The following FAM117A variants were observed in gnomAD, a reference collection of about 807,000 sequenced individuals.
FAM117A encodes protein FAM117A.
Under a neutral mutation model 44.1 loss-of-function variants are expected in FAM117A, and 21 were observed. The ratio of observed to expected loss-of-function variants is 0.48; its 90% CI spans 0.34 to 0.69. The LOEUF is 0.69. FAM117A is among the 30% of genes least tolerant of loss of function. FAM117A has a pLI of 0.01. For synonymous variants in FAM117A, 220 were observed against 238.3 expected (o/e 0.92, Z 0.71); for missense variants, 498 against 589.9 (o/e 0.84, Z 1.61).
intron 1 of FAM117A, among the ~76,000 whole-genome samples, chr17:49,750,952 G>A (rs2073674612): frequency 6.6e-6 from 1 of 152,106 alleles, no homozygotes. Flanking sequence ...GTTGTAATGG[G>A]ATTTTACCTT....
chr17:49,765,392 T>C (rs919247245), upstream of FAM117A, among the ~76,000 whole-genome samples: 1 of 152,238 alleles, frequency 6.6e-6, no homozygotes, highest in Non-Finnish European at 1.5e-5. Context: ...AAAGAAGATA[T>C]TCCCTGAAGC....
chr17:49,774,654 T>C (rs187733313), intron 1 of FAM117A, among the ~76,000 whole-genome samples: 67 of 152,172 alleles, frequency 4.4e-4, no homozygotes, highest in African/African-American at 1.6e-3. Flanking sequence ...CACCGTGCTC[T>C]GTCAACTCTG....
intron 1 of FAM117A, 93 bp downstream of exon 1, chr17:49,763,799 C>T: frequency 2.4e-6 from 1 of 411,004 alleles, no homozygotes; most frequent in Non-Finnish European, 3.4e-6. Context: ...CATCCACTTT[C>T]CCCTCACACT....
chr17:49,765,767 A>G (rs934572819), upstream of FAM117A: 3 of 152,248 alleles, frequency 2.0e-5, no homozygotes, highest in Non-Finnish European at 4.4e-5. Context: ...CTCAGTCTTT[A>G]TAAGATTAAT....
intron 1 of FAM117A, among the ~76,000 whole-genome samples, chr17:49,788,092 G>A (rs574201406): frequency 2.0e-5 from 3 of 152,128 alleles, no homozygotes; most frequent in Admixed American, 6.5e-5. Flanking sequence ...CCTCCTCCCC[G>A]CGACATCAAC....
intron 1 of FAM117A, among the ~76,000 whole-genome samples, chr17:49,751,357 G>T (rs2073676571): frequency 6.6e-6 from 1 of 151,468 alleles, no homozygotes; most frequent in African/African-American, 2.4e-5. Flanking sequence ...CAGGCAGGTG[G>T]ATCACGAGGT....
At chr17:49,769,772 A>G (rs1032200618) in intron 1 of FAM117A, among the ~76,000 whole-genome samples, 1 of 152,148 alleles carries the variant, frequency 6.6e-6, no homozygotes, top group African/African-American at 2.4e-5. Flanking sequence ...ATGGTACTCT[A>G]AGAAAAATAC....
chr17:49,726,873 G>A (rs964573378), intron 2 of FAM117A, among the ~76,000 whole-genome samples: 4 of 152,036 alleles, frequency 2.6e-5, no homozygotes, highest in African/African-American at 9.7e-5. Flanking sequence ...CCAGCTACTA[G>A]GGAGGCTGAG....
chr17:49,752,350 C>T (rs2073680969), intron 1 of FAM117A, among the ~76,000 whole-genome samples: 1 of 152,136 alleles, frequency 6.6e-6, no homozygotes, highest in South Asian at 2.1e-4. Context: ...CAGACAGATC[C>T]TGCGCCCCCC....
chr17:49,712,299 G>A (rs2076954180), intron 7 of FAM117A, among the ~76,000 whole-genome samples: 1 of 152,204 alleles, frequency 6.6e-6, no homozygotes, highest in African/African-American at 2.4e-5. Context: ...TTGTTGCGGG[G>A]TGGGGATGGA....
chr17:49,729,018 G>A (rs2073572916), intron 2 of FAM117A, among the ~76,000 whole-genome samples: 1 of 152,216 alleles, frequency 6.6e-6, no homozygotes, highest in Admixed American at 6.5e-5. Context: ...CCACCTAAGA[G>A]TTTAAAACAC....
At chr17:49,775,052 G>C (rs548030976) in intron 1 of FAM117A, among the ~76,000 whole-genome samples, 1 of 152,026 alleles carries the variant, frequency 6.6e-6, no homozygotes, top group African/African-American at 2.4e-5. Context: ...GCAGTGGCGC[G>C]ATCTCAGCTC....
intron 1 of FAM117A, among the ~76,000 whole-genome samples, chr17:49,740,046 C>T (rs929174715): frequency 6.6e-6 from 1 of 152,200 alleles, no homozygotes; most frequent in Non-Finnish European, 1.5e-5. Flanking sequence ...TCTTCCAGAG[C>T]CACTTGGTCC....
chr17:49,767,521 C>T, upstream of FAM117A, among the ~76,000 whole-genome samples: 1 of 152,150 alleles, frequency 6.6e-6, no homozygotes, highest in Non-Finnish European at 1.5e-5. Flanking sequence ...CAGAAGTGGC[C>T]CTGGGCTAGA....
rs545452799 is a variant in FAM117A, at chr17:49,778,934, G to C, written c.-621+9563C>G. Among the ~76,000 whole-genome samples, 4 of 152,324 alleles carry C rather than the reference G, an allele frequency of 2.6e-5. No individual in the cohort carries two copies. In the East Asian group the frequency reaches 5.8e-4, roughly 22 times the overall value. On this transcript the variant is annotated intron_variant, in intron 1 of 7. Transcript: ENST00000513602. ...GCAGTGGGGGCCTTGATCTAGCCTG[G>C]AGGGTTCAGGAAAAGGTTTCCTGAG...
In FAM117A at chr17:49,732,602, T is replaced by C. The variant is rs1232222404; in HGVS notation, c.315A>G (p.Pro105=). 5 of 1,614,120 alleles carry C rather than the reference T, an allele frequency of 3.1e-6. No individual in the cohort carries two copies. The highest frequency in any genetic ancestry group is 4.2e-6 in the Non-Finnish European group (5 of 1,180,010). The part of the protein sequence containing the change: ...ILSSYLLGQW[P]RDADGAFTCC... ...AGGTGAAGGCCCCATCAGCATCTCG[T>C]GGCCACTGGCCCAGAAGGTAGGAGC... is the stretch of plus-strand genomic sequence containing the variant. The change falls in exon 2 of 8, where the codon CCA becomes CCG. Residue 105 remains proline, a synonymous_variant. Transcript: ENST00000240364.
chr17:49,784,818 C>T (rs1012284214), intron 1 of FAM117A, among the ~76,000 whole-genome samples: 17 of 152,184 alleles, frequency 1.1e-4, no homozygotes, highest in African/African-American at 4.1e-4. Context: ...GGCTTGTCTT[C>T]CCTACTGGAT....
In FAM117A at chr17:49,719,877, G is replaced by A; in HGVS notation, c.591C>T (p.Phe197=). The A allele has an allele frequency of 6.2e-7, 1 of 1,605,166 alleles. No homozygotes were observed. Among genetic ancestry groups the A allele is most frequent in the Non-Finnish European group, 8.5e-7 (1 of 1,177,458 alleles). The change falls in exon 5 of 8, where the codon TTC becomes TTT. Residue 197 remains phenylalanine, a synonymous_variant. Coordinates refer to ENST00000240364, the MANE Select transcript of FAM117A (RefSeq NM_030802.4). ...GTCGCAAGACAGGGGACCCTGAGGG[G>A]AAGCTGGGAGGGGACGCCTGAGGAA... ...RGALRASPPS[F]PSGSPVLRLS... is the part of the protein sequence containing the mutation.
chr17:49,722,980 G>A (rs993910760), intron 2 of FAM117A, among the ~76,000 whole-genome samples: 7 of 152,022 alleles, frequency 4.6e-5, no homozygotes, highest in African/African-American at 7.2e-5. Flanking sequence ...TTATTCTCTC[G>A]CCCTCTACAT....
Sources: allele counts gnomAD v4.1 joint callset (sites outside exome capture counted in the v4.1 genomes callset), GRCh38; gene constraint gnomAD v4.1.1; transcripts MANE v1.5; gene names NCBI Gene and HGNC (gene_info 2026-07-23, HGNC 2026-07-21).